ASB18: variants seen among roughly 807,000 people sequenced by gnomAD.
ASB18 encodes the protein ankyrin repeat and SOCS box containing 18.
A neutral mutation model predicts 33.4 loss-of-function variants in ASB18; 33 were observed. The observed-to-expected ratio is 0.99, with a 90% CI of 0.75 to 1.32. The LOEUF (loss-of-function observed/expected upper bound fraction) is 1.32, where lower values mean the gene tolerates loss of function less well. ASB18 is among the 40% of genes most tolerant of loss of function. The pLI, the probability that ASB18 is intolerant of heterozygous loss-of-function variation, is 0.00. For missense variants in ASB18, 694 were observed against 655.5 expected (o/e 1.06, Z -0.64); for synonymous variants, 295 against 307.6 (o/e 0.96, Z 0.43).
rs1472172705 is a variant in ASB18 at position 236,219,870 on chromosome 2, G to A, written c.597-5004C>T. Reference sequence around the variant, plus strand: ...CTGGGGTCAGGGTAGAACAGTCACCGTTGGGATCTAAGGGTAGAATTCCCA... The same window carrying A: ...CTGGGGTCAGGGTAGAACAGTCACCATTGGGATCTAAGGGTAGAATTCCCA... On this transcript the variant is annotated intron_variant, in intron 3 of 5. Transcript: ENST00000409749. The surrounding 1 kb of genome is among the most constrained non-coding windows in gnomAD (Gnocchi z 6.4). Among the ~76,000 whole-genome samples the A allele has an allele frequency of 6.6e-6, 1 of 152,170 alleles. No homozygotes were observed. Among genetic ancestry groups the A allele is most frequent in the African/African-American group, 2.4e-5 (1 of 41,432 alleles).
Position 236,196,965 on chromosome 2 carries a change from G to A in ASB18, c.1102-580C>T, listed in dbSNP as rs1182441940. Among the ~76,000 whole-genome samples, 2 of 152,134 alleles carry A rather than the reference G, an allele frequency of 1.3e-5. No homozygotes were observed. The highest frequency in any genetic ancestry group is 2.9e-5 in the Non-Finnish European group (2 of 68,022). On this transcript the variant is annotated intron_variant, in intron 4 of 5. Coordinates refer to ENST00000409749, the MANE Select transcript of ASB18 (RefSeq NM_212556.4). The surrounding 1 kb of genome is among the most constrained non-coding windows in gnomAD (Gnocchi z 5.6). ...GTCCATTAGCTTCACCATAAAGATG[G>A]GAACACTATTTGCTTTTAAAAAATA...
rs961784989 is a variant in ASB18, at chr2:236,255,762, C to T, written c.205+8379G>A. Among the ~76,000 whole-genome samples, 2 of 152,156 alleles carry T rather than the reference C, an allele frequency of 1.3e-5. No homozygotes were observed. Among genetic ancestry groups the T allele is most frequent in the African/African-American group, 2.4e-5 (1 of 41,430 alleles). ...TAGAATGTGTAGCCTCAAACAATAT[C>T]GTCCCAATCTCTTTGCCTGGGGCTT... is the stretch of plus-strand genomic sequence containing the variant. On this transcript the variant is annotated intron_variant, in intron 1 of 5. Coordinates refer to ENST00000409749, the MANE Select transcript of ASB18 (RefSeq NM_212556.4). This position sits in a 1 kb window ranked among gnomAD's most constrained non-coding sequence, Gnocchi z 4.4.
rs1318819048 is a variant in ASB18, at chr2:236,194,226, G to GTGGTAGGTGGTAGGTGGTAGGT, written c.*645_*646insACCTACCACCTACCACCTACCA. 6.6e-6 allele frequency among the ~76,000 whole-genome samples: 1 copy of GTGGTAGGTGGTAGGTGGTAGGT among 152,204 alleles called. No individual in the cohort carries two copies. The highest frequency in any genetic ancestry group is 1.5e-5 in the Non-Finnish European group (1 of 68,032). ...ACTGTTCTGAACTTCGTGGTGGTAGGAGGTGCTCCTGACAAGGTTCGTTTT... is the reference window on the plus strand; with the variant it reads ...ACTGTTCTGAACTTCGTGGTGGTAGGTGGTAGGTGGTAGGTGGTAGGTAGGTGCTCCTGACAAGGTTCGTTTT... On this transcript the variant is annotated 3_prime_UTR_variant, in exon 6 of 6. Coordinates refer to ENST00000409749, the MANE Select transcript of ASB18 (RefSeq NM_212556.4). The surrounding 1 kb of genome is among the most constrained non-coding windows in gnomAD (Gnocchi z 4.5).
chr2:236,197,693 A>G (rs1294814066), intron 4 of ASB18, among the ~76,000 whole-genome samples: 3 of 152,154 alleles, frequency 2.0e-5, no homozygotes, highest in Non-Finnish European at 4.4e-5. Context: ...GTGGTGGCAC[A>G]TGCCTGTAAT....
intron 4 of ASB18, among the ~76,000 whole-genome samples, chr2:236,206,602 G>A (rs55997728): frequency 0.054 from 8,252 of 152,232 alleles, 508 homozygotes; most frequent in African/African-American, 0.15. Context: ...GAGATAAAAA[G>A]ATGCATTTCC....
chr2:236,231,806 A>C lies in ASB18; in HGVS notation c.596+5883T>G, dbSNP rs1429443146. Among the ~76,000 whole-genome samples, 1 of 152,264 alleles carries C rather than the reference A, an allele frequency of 6.6e-6. No homozygotes were observed. The highest frequency in any genetic ancestry group is 2.4e-5 in the African/African-American group (1 of 41,476). On this transcript the variant is annotated intron_variant, in intron 3 of 5. Coordinates refer to ENST00000409749, the MANE Select transcript of ASB18 (RefSeq NM_212556.4). The surrounding 1 kb of genome is among the most constrained non-coding windows in gnomAD (Gnocchi z 5.5). The stretch of plus-strand genomic sequence containing the variant: ...AAAAAGGTCAGTTCTTCAAAAGGAC[A>C]GAATAATGCTAAGCATTTATGTACC...
chr2:236,237,821 G>A lies in ASB18; in HGVS notation c.464C>T (p.Ala155Val). Residue 155 changes from alanine (A) to valine (V), a missense_variant, in exon 3 of 6, where the codon GCC becomes GTC. Physicochemically the swap from Ala to Val is moderately conservative, Grantham distance 64 (BLOSUM62 0). Transcript: ENST00000409749. The surrounding 1 kb of genome is among the most constrained non-coding windows in gnomAD (Gnocchi z 6.2). ...DPDASPGGRG[A>V]LHEACLGGHT... ...GCCCCCGAGGCAGGCCTCGTGCAGG[G>A]CGCCGCGGCCGCCGGGGCTGGCGTC... The A allele has an allele frequency of 7.3e-7, 1 of 1,375,294 alleles. No individual in the cohort carries two copies. Among genetic ancestry groups the A allele is most frequent in the Non-Finnish European group, 9.3e-7 (1 of 1,075,274 alleles). 85.2% of individuals were successfully genotyped at this position (1,375,294 alleles called of 1,614,324 possible). A position where few individuals can be genotyped will look rare whatever the true frequency, so the allele number is the denominator to read the frequency against.
In ASB18 at chr2:236,260,391, G is replaced by T. The variant is rs2060712345; in HGVS notation, c.205+3750C>A. 6.6e-6 allele frequency among the ~76,000 whole-genome samples: 1 copy of T among 152,134 alleles called. No individual in the cohort carries two copies. The highest frequency in any genetic ancestry group is 1.5e-5 in the Non-Finnish European group (1 of 68,032). ...CCTCCTCTCAGGGATTTCGGTGTTT[G>T]ACAGTGTCCATTCCCAATATGTGCT... is the stretch of plus-strand genomic sequence containing the variant. On this transcript the variant is annotated intron_variant, in intron 1 of 5. Coordinates refer to ENST00000409749, the MANE Select transcript of ASB18 (RefSeq NM_212556.4). This position sits in a 1 kb window ranked among gnomAD's most constrained non-coding sequence, Gnocchi z 5.1.
Position 236,204,581 on chromosome 2 carries a change from G to A in ASB18, c.1102-8196C>T, listed in dbSNP as rs1015113118. 1.3e-5 allele frequency among the ~76,000 whole-genome samples: 2 copies of A among 152,132 alleles called. No homozygotes were observed. The highest frequency in any genetic ancestry group is 4.8e-5 in the African/African-American group (2 of 41,416). On this transcript the variant is annotated intron_variant, in intron 4 of 5. Transcript: ENST00000409749. The surrounding 1 kb of genome is among the most constrained non-coding windows in gnomAD (Gnocchi z 5.1). ...CCAAATCTCTCCCTCTCAAACTTTG[G>A]GCTTCGATATCCAGCTGCTTACATT...
At position 236,221,680 on chromosome 2, in the gene ASB18, A is replaced by T. The variant is rs1463635223; in HGVS notation, c.597-6814T>A. 6.6e-6 allele frequency among the ~76,000 whole-genome samples: 1 copy of T among 152,114 alleles called. No individual in the cohort carries two copies. The highest frequency in any genetic ancestry group is 1.5e-5 in the Non-Finnish European group (1 of 68,012). On this transcript the variant is annotated intron_variant, in intron 3 of 5. Coordinates refer to ENST00000409749, the MANE Select transcript of ASB18 (RefSeq NM_212556.4). This position sits in a 1 kb window ranked among gnomAD's most constrained non-coding sequence, Gnocchi z 5.6. ...GTCTTTATCAGAAGCGTGAAAACGG[A>T]CTAATACAGCATCTGTCTCCTTAAG...
Position 236,238,610 on chromosome 2 carries a change from G to GGGGTGTGTGTGTGTGTGTGTGT in ASB18, c.329-655_329-654insACACACACACACACACACACCC, listed in dbSNP as rs1553601613. 2.0e-5 allele frequency among the ~76,000 whole-genome samples: 3 copies of GGGGTGTGTGTGTGTGTGTGTGT among 150,270 alleles called. No homozygotes were observed. Among genetic ancestry groups the GGGGTGTGTGTGTGTGTGTGTGT allele is most frequent in the African/African-American group, 7.4e-5 (3 of 40,770 alleles). On this transcript the variant is annotated intron_variant, in intron 2 of 5. Coordinates refer to ENST00000409749, the MANE Select transcript of ASB18 (RefSeq NM_212556.4). This position sits in a 1 kb window ranked among gnomAD's most constrained non-coding sequence, Gnocchi z 5.2. ...GGTTTGTTTCTTTGCGCTTTTTAGG[G>GGGGTGTGTGTGTGTGTGTGTGT]GTGTGTGTGTGTGTGTGTGTAGGGT...
chr2:236,253,707 A>G lies in ASB18; in HGVS notation c.205+10434T>C, dbSNP rs1051769869. On this transcript the variant is annotated intron_variant, in intron 1 of 5. Transcript: ENST00000409749. The surrounding 1 kb of genome is among the most constrained non-coding windows in gnomAD (Gnocchi z 5.4). Reference sequence around the variant, plus strand: ...CTGGTCTGATTCTCTTTCAAAATACAATGAAATTAGTTACCGGCAAAAATA... The same window carrying G: ...CTGGTCTGATTCTCTTTCAAAATACGATGAAATTAGTTACCGGCAAAAATA... The G allele has an allele frequency of 6.6e-6, 1 of 152,188 alleles. No homozygotes were observed. The highest frequency in any genetic ancestry group is 6.5e-5 in the Admixed American group (1 of 15,282). The allele number at this position is 152,188 out of a possible 1,614,324, so 9.4% of individuals were successfully genotyped here. A position where few individuals can be genotyped will look rare whatever the true frequency, so the allele number is the denominator to read the frequency against.
rs185734922 is a variant in ASB18, at chr2:236,259,114, T to C, written c.205+5027A>G. Among the ~76,000 whole-genome samples the C allele has an allele frequency of 1.8e-4, 27 of 152,266 alleles. No homozygotes were observed. Among genetic ancestry groups the C allele is most frequent in the Non-Finnish European group, 3.7e-4 (25 of 68,018 alleles). ...TGTGTTCTCTGCAGCTACTAACCAA[T>C]TGGTATTGAAAAGAGGCAAGCACAA... On this transcript the variant is annotated intron_variant, in intron 1 of 5. Transcript: ENST00000409749. This position sits in a 1 kb window ranked among gnomAD's most constrained non-coding sequence, Gnocchi z 4.4.
rs964144369 is a variant in ASB18, at chr2:236,223,690, A to G, written c.597-8824T>C. ...TTTGCCAGGAATTTCTCCTGTGTTT[A>G]CCACCAGTCAGTCATAACCCCCGTA... On this transcript the variant is annotated intron_variant, in intron 3 of 5. Coordinates refer to ENST00000409749, the MANE Select transcript of ASB18 (RefSeq NM_212556.4). The surrounding 1 kb of genome is among the most constrained non-coding windows in gnomAD (Gnocchi z 4.6). Among the ~76,000 whole-genome samples the G allele has an allele frequency of 2.6e-5, 4 of 152,184 alleles. No homozygotes were observed. The highest frequency in any genetic ancestry group is 9.7e-5 in the African/African-American group (4 of 41,450).
intron 3 of ASB18, among the ~76,000 whole-genome samples, chr2:236,230,391 A>T (rs2060558820): frequency 6.7e-6 from 1 of 150,264 alleles, no homozygotes; most frequent in Non-Finnish European, 1.5e-5. Flanking sequence ...ATGATACTAG[A>T]TGGAATCTTG....
chr2:236,239,117 C>T lies in ASB18; in HGVS notation c.329-1161G>A, dbSNP rs184082529. Among the ~76,000 whole-genome samples the T allele has an allele frequency of 3.9e-5, 6 of 152,268 alleles. No individual in the cohort carries two copies. In the East Asian group the frequency reaches 7.7e-4, roughly 20 times the overall value. ...CTGCCCTTCCCAGTGAAGACCAGGT[C>T]GGATCTGGAGGGGGTGATGGATGTA... On this transcript the variant is annotated intron_variant, in intron 2 of 5. Coordinates refer to ENST00000409749, the MANE Select transcript of ASB18 (RefSeq NM_212556.4). This position sits in a 1 kb window ranked among gnomAD's most constrained non-coding sequence, Gnocchi z 5.6.
At position 236,231,546 on chromosome 2, in the gene ASB18, A is replaced by G. The variant is rs1008318337; in HGVS notation, c.596+6143T>C. Among the ~76,000 whole-genome samples, 1 of 152,186 alleles carries G rather than the reference A, an allele frequency of 6.6e-6. No homozygotes were observed. Among genetic ancestry groups the G allele is most frequent in the Non-Finnish European group, 1.5e-5 (1 of 68,044 alleles). ...AGAACATGCCCTCACCAGACAATGA[A>G]TCTGCTGGCAACTTGATCTTGGACT... On this transcript the variant is annotated intron_variant, in intron 3 of 5. Transcript: ENST00000409749. This position sits in a 1 kb window ranked among gnomAD's most constrained non-coding sequence, Gnocchi z 5.5.
rs1218916600 is a variant in ASB18 at position 236,256,596 on chromosome 2, T to C, written c.205+7545A>G. On this transcript the variant is annotated intron_variant, in intron 1 of 5. Coordinates refer to ENST00000409749, the MANE Select transcript of ASB18 (RefSeq NM_212556.4). This position sits in a 1 kb window ranked among gnomAD's most constrained non-coding sequence, Gnocchi z 4.7. The stretch of plus-strand genomic sequence containing the variant: ...CCGCTATTATTCTCATTGCTTTTTG[T>C]TCTTTCCAAACTCTCCAGTGTGCTT... Among the ~76,000 whole-genome samples the C allele has an allele frequency of 6.6e-6, 1 of 152,252 alleles. No individual in the cohort carries two copies. Among genetic ancestry groups the C allele is most frequent in the African/African-American group, 2.4e-5 (1 of 41,468 alleles).
In ASB18 at chr2:236,223,085, T is replaced by C. The variant is rs542960356; in HGVS notation, c.597-8219A>G. ...TTCACTGTGTGGTGTGCCTGCTTGC[T>C]GTTTGCCTTCTGCCATGAGTAAAAA... On this transcript the variant is annotated intron_variant, in intron 3 of 5. Coordinates refer to ENST00000409749, the MANE Select transcript of ASB18 (RefSeq NM_212556.4). The surrounding 1 kb of genome is among the most constrained non-coding windows in gnomAD (Gnocchi z 4.6). 6.6e-6 allele frequency among the ~76,000 whole-genome samples: 1 copy of C among 152,328 alleles called. No homozygotes were observed. Among genetic ancestry groups the C allele is most frequent in the East Asian group, 1.9e-4 (1 of 5,180 alleles).
Sources: gnomAD v4.1 joint callset for allele counts (sites outside exome capture counted in the v4.1 genomes callset) on GRCh38, gnomAD v4.1.1 for gene constraint, Gnocchi (gnomAD v3.1) non-coding constraint, MANE v1.5 for transcripts, NCBI Gene and HGNC (gene_info 2026-07-23, HGNC 2026-07-21) for gene names.